The following USP34 variants were observed in gnomAD, a reference collection of about 807,000 sequenced individuals.
The protein encoded by USP34 is ubiquitin carboxyl-terminal hydrolase 34.
USP34 carries 70 observed loss-of-function variants against 460.3 expected under a neutral mutation model. The ratio of observed to expected loss-of-function variants is 0.15; its 90% CI spans 0.13 to 0.19. USP34 has a LOEUF of 0.19. USP34 is among the 10% of genes least tolerant of loss of function. USP34 has a pLI of 1.00. For missense variants in USP34, 3,985 were observed against 4,236.2 expected (o/e 0.94, Z 1.65); for synonymous variants, 1,647 against 1,405.3 (o/e 1.17, Z -3.85).
chr2:61,230,219 C>A (rs1486416591), intron 58 of USP34, among the ~76,000 whole-genome samples: 1 of 152,158 alleles, frequency 6.6e-6, no homozygotes, highest in East Asian at 1.9e-4. Flanking sequence ...ATGTCAAACA[C>A]TGCAGTCACT....
chr2:61,264,905 A>G (rs764508032), intron 43 of USP34, among the ~76,000 whole-genome samples: 1 of 152,112 alleles, frequency 6.6e-6, no homozygotes, highest in African/African-American at 2.4e-5. Context: ...AAAAAGAATG[A>G]AAACTAGAAA....
At chr2:61,385,671 C>CAAAAAAAAAAAAAAAAA (rs61200102) in intron 5 of USP34, among the ~76,000 whole-genome samples, 1 of 46,002 alleles carries the variant, frequency 2.2e-5, no homozygotes, top group Non-Finnish European at 3.7e-5. Flanking sequence ...GACTCTGTCT[C>CAAAAAAAAAAAAAAAAA]AAAAAAAAAA....
At chr2:61,461,904 A>G (rs891973631) in intron 1 of USP34, among the ~76,000 whole-genome samples, 1 of 152,180 alleles carries the variant, frequency 6.6e-6, no homozygotes, top group Non-Finnish European at 1.5e-5. Flanking sequence ...GAGAACTGGA[A>G]ACAGATATAT....
In USP34 at chr2:61,343,897, A is replaced by C. The variant is rs766156979; in HGVS notation, c.2418T>G (p.Ile806Met). 6.2e-7 allele frequency: 1 copy of C among 1,614,036 alleles called. No homozygotes were observed. Among genetic ancestry groups the C allele is most frequent in the South Asian group, 1.1e-5 (1 of 91,082 alleles). Residue 806 changes from isoleucine (I) to methionine (M), a missense_variant, in exon 16 of 80, where the codon ATT becomes ATG. Ile to Met is a conservative substitution (Grantham distance 10, BLOSUM62 1). Coordinates refer to ENST00000398571, the MANE Select transcript of USP34 (RefSeq NM_014709.4). ...GAGATGTCAGTTCCGCATGTGAATTAATCTGAACTAGCTCCTCTTCACATC... is the reference window on the plus strand; with the variant it reads ...GAGATGTCAGTTCCGCATGTGAATTCATCTGAACTAGCTCCTCTTCACATC... ...ESGCEEELVQINSHAELTSHL... is the reference protein window; with the variant it reads ...ESGCEEELVQMNSHAELTSHL...
At chr2:61,265,861 T>C in intron 42 of USP34, 123 bp downstream of exon 42, 2 of 953,704 alleles carry the variant, frequency 2.1e-6, no homozygotes, top group African/African-American at 1.6e-5. Flanking sequence ...AATAACACCC[T>C]ACCAATAATC....
At position 61,333,926 on chromosome 2, in the gene USP34, A is replaced by T; in HGVS notation, c.2790T>A (p.Thr930=). 1 of 1,597,622 alleles carries T rather than the reference A, an allele frequency of 6.3e-7. No individual in the cohort carries two copies. Among genetic ancestry groups the T allele is most frequent in the Non-Finnish European group, 8.5e-7 (1 of 1,171,830 alleles). The change falls in exon 19 of 80, where the codon ACT becomes ACA. Residue 930 remains threonine, a synonymous_variant. Transcript: ENST00000398571. ...SLRLLPKLFG[T]FQQFGSSYDT... ...CGTAACTGCTCCCAAACTGCTGAAA[A>T]GTACCAAATAGTTTTGGAAGAAGAC...
chr2:61,348,863 T>C lies in USP34; in HGVS notation c.1567A>G (p.Ser523Gly). Reference sequence around the variant, plus strand: ...TGATGTGTATCGCTATTATCACTGCTTTGAGGACTAGCTGCAGGTGACCCT... The same window carrying C: ...TGATGTGTATCGCTATTATCACTGCCTTGAGGACTAGCTGCAGGTGACCCT... Reference protein sequence around the residue: ...SPWSPAASPQSSDNSDTHQSG... With the variant: ...SPWSPAASPQGSDNSDTHQSG... The change falls in exon 14 of 80, where the codon AGC (serine) becomes GGC (glycine). Residue 523 changes from serine to glycine, a missense_variant. Transcript: ENST00000398571. 1 of 1,612,826 alleles carries C rather than the reference T, an allele frequency of 6.2e-7. No individual in the cohort carries two copies. Among genetic ancestry groups the C allele is most frequent in the Non-Finnish European group, 8.5e-7 (1 of 1,179,512 alleles).
At chr2:61,199,443 A>G (rs1360765521) in intron 75 of USP34, among the ~76,000 whole-genome samples, 2 of 152,104 alleles carry the variant, frequency 1.3e-5, no homozygotes, top group Non-Finnish European at 2.9e-5. Context: ...TTCAGTAGAG[A>G]CAGGGTTTTG....
At chr2:61,422,816 T>C (rs948637700) in intron 1 of USP34, among the ~76,000 whole-genome samples, 12 of 152,014 alleles carry the variant, frequency 7.9e-5, no homozygotes, top group South Asian at 2.1e-4. Context: ...CTGAGCAGCA[T>C]AGTGAAACCC....
chr2:61,434,205 C>T (rs564513503), intron 1 of USP34, among the ~76,000 whole-genome samples: 17 of 152,300 alleles, frequency 1.1e-4, no homozygotes, highest in African/African-American at 2.6e-4. Context: ...TCTGGCCTCC[C>T]GAACAGCCCT....
chr2:61,249,103 G>C (rs1395221179), intron 48 of USP34, among the ~76,000 whole-genome samples: 1 of 151,954 alleles, frequency 6.6e-6, no homozygotes, highest in South Asian at 2.1e-4. Context: ...TAATAAAATA[G>C]AACAATTCTA....
rs779237452 is a variant in USP34 at position 61,281,218 on chromosome 2, T to C, written c.5023A>G (p.Ser1675Gly). 1.2e-6 allele frequency: 2 copies of C among 1,613,926 alleles called. No homozygotes were observed. Among genetic ancestry groups the C allele is most frequent in the South Asian group, 1.1e-5 (1 of 91,048 alleles). ...GACAGGGATAACTTATAGAGACCAC[T>C]GCATGATTCATGACGAACTGCAGTC... ...PETAVRHESC[S>G]GLYKLSLSGL... The change falls in exon 38 of 80, where the codon AGT becomes GGT. Residue 1675 changes from serine to glycine, a missense_variant. Ser to Gly is a moderately conservative substitution (Grantham distance 56). This residue lies in a region of USP34 where 1,114 missense variants were observed against 1,122.5 expected (regional missense o/e 0.99). Transcript: ENST00000398571.
intron 48 of USP34, among the ~76,000 whole-genome samples, chr2:61,254,583 G>A (rs898856812): frequency 1.5e-4 from 23 of 152,118 alleles, no homozygotes; most frequent in Non-Finnish European, 1.9e-4. Context: ...TTTTCAATCC[G>A]ATTTCTATTT....
rs375598013 is a variant in USP34, at chr2:61,349,178, A to C, written c.1543+72T>G. ...CTGATACAAATATATTATTATGTAAAATCAATGAACTCTAGAAAACCACTA... is the reference window on the plus strand; with the variant it reads ...CTGATACAAATATATTATTATGTAACATCAATGAACTCTAGAAAACCACTA... On this transcript the variant is annotated intron_variant, in intron 13 of 79. Transcript: ENST00000398571. 1.0e-3 allele frequency: 1,562 copies of C among 1,509,768 alleles called. 3 individuals are homozygous for C. The highest frequency in any genetic ancestry group is 1.3e-3 in the Non-Finnish European group (1,486 of 1,110,758). 93.5% of individuals were successfully genotyped at this position (1,509,768 alleles called of 1,614,324 possible).
chr2:61,232,818 C>T (rs1687946351), intron 57 of USP34, among the ~76,000 whole-genome samples: 3 of 145,384 alleles, frequency 2.1e-5, no homozygotes, highest in Admixed American at 1.4e-4. Flanking sequence ...ATAAATGTGA[C>T]ATAGAATCTT....
intron 76 of USP34, 95 bp from the exon 77 acceptor site, chr2:61,190,753 T>C: frequency 7.0e-7 from 1 of 1,429,544 alleles, no homozygotes; most frequent in East Asian, 2.3e-5. Flanking sequence ...CACTTGTGTA[T>C]GATGGAATCT....
chr2:61,393,051 G>A (rs1693402842), intron 5 of USP34, among the ~76,000 whole-genome samples: 1 of 152,160 alleles, frequency 6.6e-6, no homozygotes, highest in Non-Finnish European at 1.5e-5. Context: ...TACATTATGA[G>A]TTTAAAATCT....
intron 72 of USP34, 110 bp from the exon 73 acceptor site, chr2:61,204,711 C>G: frequency 1.2e-6 from 1 of 810,514 alleles, no homozygotes; most frequent in South Asian, 1.7e-5. Flanking sequence ...TTTAATGAGT[C>G]TAAAACTAAG....
chr2:61,365,944 C>CTCTTTATTTATT (rs1692424961), intron 10 of USP34, among the ~76,000 whole-genome samples: 2 of 150,186 alleles, frequency 1.3e-5, no homozygotes, highest in Non-Finnish European at 3.0e-5. Flanking sequence ...CTGGGAACAC[C>CTCTTTATTTATT]TATTTATTTA....
Sources: gnomAD v4.1 joint callset for allele counts (sites outside exome capture counted in the v4.1 genomes callset) on GRCh38, gnomAD v4.1.1 for gene constraint, gnomAD v4.1.1 regional missense constraint, MANE v1.5 for transcripts, NCBI Gene and HGNC (gene_info 2026-07-23, HGNC 2026-07-21) for gene names.